GALNT14: variants seen among roughly 807,000 people sequenced by gnomAD.
GALNT14 encodes polypeptide N-acetylgalactosaminyltransferase 14.
Under a neutral mutation model 77.5 loss-of-function variants are expected in GALNT14, and 60 were observed. That is an observed-to-expected ratio of 0.77 (90% CI 0.63 to 0.96). The LOEUF is 0.96. Among genes scored for constraint, GALNT14 ranks in the 40% least tolerant of loss-of-function variants. The probability of loss-of-function intolerance (pLI) is 0.00; values close to 1 mark genes in which losing one functional copy is unlikely to be tolerated. For synonymous variants in GALNT14, 280 were observed against 281.7 expected (o/e 0.99, Z 0.06); for missense variants, 710 against 731.0 (o/e 0.97, Z 0.33).
At chr2:31,012,617 G>GA (rs1406005355) in intron 1 of GALNT14, among the ~76,000 whole-genome samples, 2 of 152,062 alleles carry the variant, frequency 1.3e-5, no homozygotes, top group Admixed American at 1.3e-4. Context: ...CAGACATGGT[G>GA]AAAAAAGGGT....
At chr2:31,119,162 T>C (rs932970773) in intron 1 of GALNT14, among the ~76,000 whole-genome samples, 3 of 152,186 alleles carry the variant, frequency 2.0e-5, no homozygotes, top group Non-Finnish European at 4.4e-5. Context: ...GGACTTACGA[T>C]GATCTTTTTA....
chr2:31,074,666 G>A (rs1054613091), intron 1 of GALNT14, among the ~76,000 whole-genome samples: 5 of 152,134 alleles, frequency 3.3e-5, no homozygotes, highest in Admixed American at 2.6e-4. Flanking sequence ...AGTTCTAAGA[G>A]GGAGACATAG....
intron 1 of GALNT14, among the ~76,000 whole-genome samples, chr2:31,089,676 C>A (rs1482357384): frequency 6.6e-6 from 1 of 152,100 alleles, no homozygotes; most frequent in Non-Finnish European, 1.5e-5. Flanking sequence ...TCTAGATGTT[C>A]TTTAATGCCA....
At chr2:30,888,512 C>T in the GALNT14 span, among the ~76,000 whole-genome samples, 11 of 152,182 alleles carry the variant, frequency 7.2e-5, no homozygotes, top group Non-Finnish European at 1.6e-4. Flanking sequence ...GTGGCAAATG[C>T]TGCATGAGTG....
chr2:31,010,832 T>G (rs1670981984), intron 1 of GALNT14, among the ~76,000 whole-genome samples: 1 of 152,144 alleles, frequency 6.6e-6, no homozygotes, highest in Admixed American at 6.5e-5. Context: ...TCTCATCCCA[T>G]CTCATAGGGC....
At chr2:30,957,027 C>A (rs746317940) in intron 4 of GALNT14, among the ~76,000 whole-genome samples, 2 of 152,188 alleles carry the variant, frequency 1.3e-5, no homozygotes, top group Non-Finnish European at 2.9e-5. Flanking sequence ...CCCTGTTACT[C>A]CCTGGCTTGC....
At chr2:31,025,927 T>G (rs1393176748) in intron 1 of GALNT14, among the ~76,000 whole-genome samples, 1 of 152,160 alleles carries the variant, frequency 6.6e-6, no homozygotes, top group Non-Finnish European at 1.5e-5. Flanking sequence ...TCTTTATTCT[T>G]AAGGCCTTCG....
At chr2:30,946,382 C>T (rs202207303) in intron 6 of GALNT14, among the ~76,000 whole-genome samples, 2 of 152,120 alleles carry the variant, frequency 1.3e-5, no homozygotes, top group East Asian at 1.9e-4. Context: ...TTAACACTAT[C>T]CCCTTGGTGC....
chr2:30,998,991 C>A (rs1264499606), intron 1 of GALNT14, among the ~76,000 whole-genome samples: 2 of 152,208 alleles, frequency 1.3e-5, no homozygotes, highest in Admixed American at 1.3e-4. Flanking sequence ...TGCTGAGAAA[C>A]CCTTCTCCTC....
intron 1 of GALNT14, among the ~76,000 whole-genome samples, chr2:31,004,558 G>A (rs1670555683): frequency 6.6e-6 from 1 of 152,166 alleles, no homozygotes; most frequent in Non-Finnish European, 1.5e-5. Flanking sequence ...GGGCAGGTCT[G>A]CAAGGGTGAG....
intron 1 of GALNT14, among the ~76,000 whole-genome samples, chr2:31,048,850 G>A (rs561744465): frequency 1.3e-5 from 2 of 152,220 alleles, no homozygotes; most frequent in East Asian, 1.9e-4. Context: ...TTGAGATCAG[G>A]AACTGAACTT....
chr2:30,957,324 T>G (rs1443015064), intron 4 of GALNT14, among the ~76,000 whole-genome samples: 1 of 152,162 alleles, frequency 6.6e-6, no homozygotes, highest in Non-Finnish European at 1.5e-5. Flanking sequence ...CCAAGGCACA[T>G]AGCTAGTGAG....
intron 13 of GALNT14, 74 bp downstream of exon 13, chr2:30,924,045 G>A: frequency 6.5e-7 from 1 of 1,534,666 alleles, no homozygotes; most frequent in East Asian, 2.3e-5. Flanking sequence ...AAGAGCAGGT[G>A]ATGGAGGCAG....
At chr2:30,916,205 T>C (rs535589307) in intron 13 of GALNT14, among the ~76,000 whole-genome samples, 16 of 152,356 alleles carry the variant, frequency 1.1e-4, no homozygotes, top group African/African-American at 2.9e-4. Flanking sequence ...TGTCTTTAGA[T>C]GAATGCACAC....
chr2:30,964,471 G>A (rs966290129), intron 3 of GALNT14, among the ~76,000 whole-genome samples: 3 of 152,320 alleles, frequency 2.0e-5, no homozygotes, highest in East Asian at 1.9e-4. Context: ...CCAGCCAGGC[G>A]CTTTGTTATC....
At chr2:31,092,851 T>C (rs1003963298) in intron 1 of GALNT14, among the ~76,000 whole-genome samples, 1 of 152,156 alleles carries the variant, frequency 6.6e-6, no homozygotes, top group African/African-American at 2.4e-5. Context: ...GCAAAAGTAA[T>C]TGTGGTTTGG....
chr2:31,058,593 G>A (rs1254902766), intron 1 of GALNT14, among the ~76,000 whole-genome samples: 2 of 152,134 alleles, frequency 1.3e-5, no homozygotes, highest in African/African-American at 4.8e-5. Flanking sequence ...AAGACGTCAG[G>A]TTGACCTCAG....
intron 1 of GALNT14, among the ~76,000 whole-genome samples, chr2:31,076,423 C>G (rs775226731): frequency 1.3e-5 from 2 of 152,112 alleles, no homozygotes; most frequent in East Asian, 1.9e-4. Flanking sequence ...TCTCCACCCC[C>G]GCTCTGAGAC....
the GALNT14 span, among the ~76,000 whole-genome samples, chr2:30,898,846 A>G: frequency 1.3e-5 from 2 of 152,174 alleles, no homozygotes; most frequent in African/African-American, 4.8e-5. Flanking sequence ...TCTGGAGGCA[A>G]AGAAGAGGGA....
Sources: allele counts gnomAD v4.1 joint callset (sites outside exome capture counted in the v4.1 genomes callset), GRCh38; gene constraint gnomAD v4.1.1; transcripts MANE v1.5; gene names NCBI Gene and HGNC (gene_info 2026-07-23, HGNC 2026-07-21).